INPP4B: variants seen among roughly 807,000 people sequenced by gnomAD.
INPP4B encodes inositol polyphosphate 4-phosphatase type II.
Under a neutral mutation model 122.5 loss-of-function variants are expected in INPP4B, and 55 were observed. The observed-to-expected ratio is 0.45, with a 90% CI of 0.36 to 0.56. The LOEUF (loss-of-function observed/expected upper bound fraction) is 0.56, where lower values mean the gene tolerates loss of function less well. INPP4B is among the 20% of genes least tolerant of loss of function. INPP4B has a pLI of 0.00. For missense variants in INPP4B, 1,000 were observed against 1,097.7 expected, an observed-to-expected ratio of 0.91 and a Z score of 1.26; for synonymous variants, 403 against 388.7, an observed-to-expected ratio of 1.04 and a Z score of -0.43.
chr4:142,838,094 C>G (rs1482074694), intron 1 of INPP4B, among the ~76,000 whole-genome samples: 1 of 150,728 alleles, frequency 6.6e-6, no homozygotes, highest in Non-Finnish European at 1.5e-5. Flanking sequence ...CAGTAGCTGG[C>G]AAATAGTAAG....
chr4:142,169,789 G>A (rs1301197224), intron 16 of INPP4B, among the ~76,000 whole-genome samples: 1 of 151,552 alleles, frequency 6.6e-6, no homozygotes. Context: ...TAAAAATTAA[G>A]GGCCATATCT....
At chr4:142,051,541 C>T (rs754132131) in intron 25 of INPP4B, among the ~76,000 whole-genome samples, 2 of 151,926 alleles carry the variant, frequency 1.3e-5, no homozygotes, top group Non-Finnish European at 2.9e-5. Context: ...TTTTTATTCA[C>T]TTTACTGTAA....
intron 7 of INPP4B, among the ~76,000 whole-genome samples, chr4:142,381,837 A>T (rs1393516886): frequency 2.6e-5 from 4 of 152,112 alleles, no homozygotes; most frequent in African/African-American, 7.2e-5. Flanking sequence ...TCAAAATCAT[A>T]GTTAATTATC....
intron 2 of INPP4B, among the ~76,000 whole-genome samples, chr4:142,553,182 G>C (rs1728380436): frequency 6.6e-6 from 1 of 151,976 alleles, no homozygotes; most frequent in African/African-American, 2.4e-5. Flanking sequence ...AGATTTCTCA[G>C]AGCAGAGTCA....
chr4:142,553,652 G>A (rs1728486152), intron 2 of INPP4B, among the ~76,000 whole-genome samples: 1 of 152,180 alleles, frequency 6.6e-6, no homozygotes, highest in East Asian at 1.9e-4. Context: ...ATGAGCTACT[G>A]TACTCCACAG....
chr4:142,825,715 G>A (rs901172958), intron 1 of INPP4B, among the ~76,000 whole-genome samples: 1 of 151,992 alleles, frequency 6.6e-6, no homozygotes, highest in Non-Finnish European at 1.5e-5. Context: ...GAACTAGGTT[G>A]AACTTTAAAG....
At chr4:142,295,521 G>T (rs748948093) in intron 9 of INPP4B, among the ~76,000 whole-genome samples, 11 of 152,128 alleles carry the variant, frequency 7.2e-5, no homozygotes, top group Non-Finnish European at 1.0e-4. Flanking sequence ...CATTTTTGTT[G>T]TTCTTCTAAA....
At chr4:142,353,104 CT>C (rs1782430304) in intron 7 of INPP4B, among the ~76,000 whole-genome samples, 1 of 151,978 alleles carries the variant, frequency 6.6e-6, no homozygotes, top group South Asian at 2.1e-4. Context: ...TAAATGCGTA[CT>C]TTTTAAAAGT....
rs114429103 is a variant in INPP4B, at chr4:142,372,034, G to A, written c.372+30904C>T. 4.8e-3 allele frequency among the ~76,000 whole-genome samples: 738 copies of A among 152,218 alleles called. 3 individuals are homozygous for A. The highest frequency in any genetic ancestry group is 7.5e-3 in the Admixed American group (115 of 15,270). ...AGCCAAAATAATGAAACCAATGTAA[G>A]TGTTCATTAGTGGATGAATGGATAA... is the stretch of plus-strand genomic sequence containing the variant. On this transcript the variant is annotated intron_variant, in intron 7 of 25. Transcript: ENST00000262992.
At chr4:142,046,164 T>C (rs375851009) in intron 25 of INPP4B, among the ~76,000 whole-genome samples, 3 of 152,160 alleles carry the variant, frequency 2.0e-5, no homozygotes, top group East Asian at 3.8e-4. Flanking sequence ...GCTCTAGTCA[T>C]AACTATTGCA....
At chr4:142,230,998 A>G (rs1292054554) in intron 12 of INPP4B, among the ~76,000 whole-genome samples, 6 of 142,346 alleles carry the variant, frequency 4.2e-5, no homozygotes, top group Non-Finnish European at 7.4e-5. Flanking sequence ...AAAAACTGCT[A>G]TGTTTCAAAC....
At chr4:142,187,768 A>C in intron 15 of INPP4B, among the ~76,000 whole-genome samples, 1 of 149,700 alleles carries the variant, frequency 6.7e-6, no homozygotes, top group South Asian at 2.1e-4. Context: ...TAATTTTTGC[A>C]CTTTTTTTGT....
At chr4:142,089,555 A>G (rs1032321571) in intron 23 of INPP4B, among the ~76,000 whole-genome samples, 5 of 151,926 alleles carry the variant, frequency 3.3e-5, no homozygotes, top group Admixed American at 6.6e-5. Flanking sequence ...GTAATTATTT[A>G]ATAATGGATA....
intron 11 of INPP4B, among the ~76,000 whole-genome samples, chr4:142,257,955 C>T (rs541335158): frequency 2.7e-4 from 41 of 152,276 alleles, no homozygotes; most frequent in Non-Finnish European, 5.6e-4. Context: ...TCAGACTATA[C>T]TACAAGGCTA....
At chr4:142,628,907 C>A (rs185451290) in intron 2 of INPP4B, among the ~76,000 whole-genome samples, 1 of 151,970 alleles carries the variant, frequency 6.6e-6, no homozygotes, top group Non-Finnish European at 1.5e-5. Context: ...TATTTATTTC[C>A]TAAGAAATAA....
chr4:142,404,749 A>T (rs1579969327), intron 6 of INPP4B, among the ~76,000 whole-genome samples: 1 of 152,154 alleles, frequency 6.6e-6, no homozygotes, highest in East Asian at 1.9e-4. Flanking sequence ...ACCGGGGGGA[A>T]AAAAAGCAAA....
In INPP4B at chr4:142,812,635, G is replaced by GA. The variant is rs148814038; in HGVS notation, c.-254+33573dup. On this transcript the variant is annotated intron_variant, in intron 1 of 25. Coordinates refer to ENST00000262992, the MANE Select transcript of INPP4B (RefSeq NM_001101669.3). ...TAAGTAATATCTAAGTTACCATAGAGAAAAAAAAACTGGAAACAATTATAT... is the reference window on the plus strand; with the variant it reads ...TAAGTAATATCTAAGTTACCATAGAGAAAAAAAAAACTGGAAACAATTATAT... 2.9e-3 allele frequency among the ~76,000 whole-genome samples: 427 copies of GA among 149,646 alleles called. 5 individuals carry two copies. Among genetic ancestry groups the GA allele is most frequent in the East Asian group, 0.019 (98 of 5,102 alleles).
At chr4:142,076,620 G>A (rs1205815696) in intron 25 of INPP4B, among the ~76,000 whole-genome samples, 1 of 151,884 alleles carries the variant, frequency 6.6e-6, no homozygotes, top group Non-Finnish European at 1.5e-5. Flanking sequence ...TCCCAATTAC[G>A]ATGTTCCCTA....
At chr4:142,655,126 A>C (rs1005461320) in intron 2 of INPP4B, among the ~76,000 whole-genome samples, 8 of 152,192 alleles carry the variant, frequency 5.3e-5, no homozygotes, top group Non-Finnish European at 1.2e-4. Flanking sequence ...GCATAGTTTC[A>C]GTAGTTAACA....
Sources: gnomAD v4.1 joint callset for allele counts (sites outside exome capture counted in the v4.1 genomes callset) on GRCh38, gnomAD v4.1.1 for gene constraint, MANE v1.5 for transcripts, NCBI Gene and HGNC (gene_info 2026-07-23, HGNC 2026-07-21) for gene names.